The following CACNG7 variants were observed in gnomAD, a reference collection of about 807,000 sequenced individuals.
CACNG7 encodes the protein voltage-dependent calcium channel gamma-7 subunit.
Under a neutral mutation model 26.3 loss-of-function variants are expected in CACNG7, and 9 were observed. The observed-to-expected ratio is 0.34, with a 90% CI of 0.21 to 0.60. The LOEUF is 0.60. Among genes scored for constraint, CACNG7 ranks in the 20% least tolerant of loss-of-function variants. CACNG7 has a pLI of 0.81. For missense variants in CACNG7, 297 were observed against 380.4 expected (o/e 0.78, Z 1.82); for synonymous variants, 170 against 157.0 (o/e 1.08, Z -0.62).
chr19:53,937,292 G>A (rs1404121088), intron 4 of CACNG7, among the ~76,000 whole-genome samples: 2 of 152,134 alleles, frequency 1.3e-5, no homozygotes, highest in Admixed American at 6.6e-5. Flanking sequence ...CCTGGAAGTG[G>A]GATTGCTGGG....
chr19:53,941,784 G>A, intron 5 of CACNG7, 169 bp downstream of exon 5: 1 of 942,764 alleles, frequency 1.1e-6, no homozygotes, highest in Non-Finnish European at 1.5e-6. Flanking sequence ...GGGTCTGAGA[G>A]CTCCAACTTT....
At chr19:53,916,046 T>A (rs2068895289) in intron 4 of CACNG7, among the ~76,000 whole-genome samples, 2 of 152,076 alleles carry the variant, frequency 1.3e-5, no homozygotes, top group African/African-American at 4.8e-5. Flanking sequence ...CCACTTAGAG[T>A]CAACCATTGA....
chr19:53,936,027 TCTC>T (rs2069103244), intron 4 of CACNG7, among the ~76,000 whole-genome samples: 1 of 151,940 alleles, frequency 6.6e-6, no homozygotes, highest in Non-Finnish European at 1.5e-5. Context: ...GTCTCTTTAG[TCTC>T]CTTTCATTTT....
At chr19:53,923,145 G>GT (rs1379097075) in intron 4 of CACNG7, among the ~76,000 whole-genome samples, 5 of 111,770 alleles carry the variant, frequency 4.5e-5, no homozygotes, top group Admixed American at 8.1e-5. Flanking sequence ...TGGTGGAGTT[G>GT]CCCCAGGTCT....
At chr19:53,928,492 C>T (rs2069049240) in intron 4 of CACNG7, among the ~76,000 whole-genome samples, 1 of 151,900 alleles carries the variant, frequency 6.6e-6, no homozygotes. Flanking sequence ...CCAGGCTGGT[C>T]TCGAACTCCT....
Position 53,909,396 on chromosome 19 carries a change from G to T in CACNG7, c.-151G>T. The T allele has an allele frequency of 6.7e-6, 1 of 148,860 alleles. No homozygotes were observed. Among genetic ancestry groups the T allele is most frequent in the South Asian group, 1.8e-4 (1 of 5,584 alleles). The allele number at this position is 148,860 out of a possible 1,614,324, so 9.2% of individuals were successfully genotyped here. A position where few individuals can be genotyped will look rare whatever the true frequency, so the allele number is the denominator to read the frequency against. On this transcript the variant is annotated 5_prime_UTR_variant, in exon 1 of 6. Coordinates refer to ENST00000391767, the MANE Select transcript of CACNG7 (RefSeq NM_031896.5). This position sits in a 1 kb window ranked among gnomAD's most constrained non-coding sequence, Gnocchi z 5.1. ...GGGCCGGGACGCCGGGCTCCGGGGCGGGGGCGGGGGGCGCGGGCACCGGCG... is the reference window on the plus strand; with the variant it reads ...GGGCCGGGACGCCGGGCTCCGGGGCTGGGGCGGGGGGCGCGGGCACCGGCG...
rs760361293 is a variant in CACNG7, at chr19:53,914,481, C to A, written c.197-19C>A. On this transcript the variant is annotated intron_variant, in intron 2 of 5. Coordinates refer to ENST00000391767, the MANE Select transcript of CACNG7 (RefSeq NM_031896.5). ...TTAGGAGCCTCTCATCCAGCCCTGTCTGTTTCTCTTCCCCCCAGGTCGGGA... is the reference window on the plus strand; with the variant it reads ...TTAGGAGCCTCTCATCCAGCCCTGTATGTTTCTCTTCCCCCCAGGTCGGGA... The A allele has an allele frequency of 1.9e-6, 3 of 1,610,694 alleles. No individual in the cohort carries two copies. In the South Asian group the frequency reaches 3.3e-5, roughly 18 times the overall value.
intron 4 of CACNG7, among the ~76,000 whole-genome samples, chr19:53,924,975 C>T (rs1268051295): frequency 2.1e-5 from 3 of 142,602 alleles, no homozygotes; most frequent in Non-Finnish European, 1.5e-5. Context: ...TGGTGTTGTC[C>T]GAGGTCTGGT....
Position 53,915,594 on chromosome 19 carries a change from G to A in CACNG7, c.424+89G>A, listed in dbSNP as rs1455099263. On this transcript the variant is annotated intron_variant, in intron 4 of 5. Transcript: ENST00000391767. ...TTCCACTTAGCCACTTCCTTGCTGT[G>A]TGGCCTGGGAGGAGGTGCAGACCCT... 1.2e-5 allele frequency: 18 copies of A among 1,481,292 alleles called. No homozygotes were observed. In the African/African-American group the frequency reaches 2.5e-4, roughly 20 times the overall value. The allele number at this position is 1,481,292 out of a possible 1,614,324, so 91.8% of individuals were successfully genotyped here. A position where few individuals can be genotyped will look rare whatever the true frequency, so the allele number is the denominator to read the frequency against.
At chr19:53,911,425 G>T (rs935212181) in intron 1 of CACNG7, among the ~76,000 whole-genome samples, 2 of 152,038 alleles carry the variant, frequency 1.3e-5, no homozygotes, top group Non-Finnish European at 2.9e-5. Flanking sequence ...TATGTCTCTG[G>T]GTTCCAATGT....
chr19:53,940,883 C>T lies in CACNG7; in HGVS notation c.425-587C>T, dbSNP rs911023059. On this transcript the variant is annotated intron_variant, in intron 4 of 5. Transcript: ENST00000391767. The surrounding 1 kb of genome is among the most constrained non-coding windows in gnomAD (Gnocchi z 4.1). ...CAGCCTGGCCAACATGGTGAAACCCCGTCTCTACTAAAAATATAAAAAAAA... is the reference window on the plus strand; with the variant it reads ...CAGCCTGGCCAACATGGTGAAACCCTGTCTCTACTAAAAATATAAAAAAAA... 2.0e-5 allele frequency among the ~76,000 whole-genome samples: 3 copies of T among 151,534 alleles called. No individual in the cohort carries two copies. The highest frequency in any genetic ancestry group is 1.9e-4 in the East Asian group (1 of 5,152).
At position 53,935,634 on chromosome 19, in the gene CACNG7, CTTTTTTTTT is replaced by C. The variant is rs59884893; in HGVS notation, c.425-5821_425-5813del. On this transcript the variant is annotated intron_variant, in intron 4 of 5. Transcript: ENST00000391767. Reference sequence around the variant, plus strand: ...CACCGCCCCCACCCTCCAATACTGTCTTTTTTTTTTTTTTTTTTTTTTTGAGTTGGAGTT... The same window carrying C: ...CACCGCCCCCACCCTCCAATACTGTCTTTTTTTTTTTTTTGAGTTGGAGTT... Among the ~76,000 whole-genome samples the C allele has an allele frequency of 4.5e-4, 19 of 42,260 alleles. 1 individual carries two copies. Among genetic ancestry groups the C allele is most frequent in the Admixed American group, 2.3e-3 (5 of 2,164 alleles). The allele number at this position is 42,260 out of a possible 152,430, so 27.7% of individuals were successfully genotyped here.
chr19:53,926,725 C>T (rs1004928210), intron 4 of CACNG7, among the ~76,000 whole-genome samples: 4 of 151,884 alleles, frequency 2.6e-5, no homozygotes, highest in Admixed American at 6.6e-5. Flanking sequence ...CCAGCCTGGC[C>T]AACATGGTGA....
rs2068890608 is a variant in CACNG7 at position 53,915,452 on chromosome 19, G to T, written c.371G>T (p.Arg124Leu). The T allele has an allele frequency of 6.2e-7, 1 of 1,613,952 alleles. No homozygotes were observed. The highest frequency in any genetic ancestry group is 8.5e-7 in the Non-Finnish European group (1 of 1,180,014). ...AFVISNIGHI[R>L]PQRTILAFVS... ...GTCATCAGCAACATCGGCCACATCC[G>T]CCCGCAGAGGACCATTCTGGCTTTT... is the stretch of plus-strand genomic sequence containing the variant. Residue 124 changes from arginine (R) to leucine (L), a missense_variant, in exon 4 of 6, where the codon CGC (arginine) becomes CTC (leucine). By Grantham distance (102) the Arg-to-Leu change is moderately radical. Transcript: ENST00000391767.
intron 4 of CACNG7, among the ~76,000 whole-genome samples, chr19:53,918,588 T>G (rs2068913361): frequency 6.6e-6 from 1 of 152,124 alleles, no homozygotes; most frequent in Admixed American, 6.6e-5. Context: ...ATCATGAATG[T>G]AAAGCATCCG....
intron 2 of CACNG7, among the ~76,000 whole-genome samples, chr19:53,913,490 T>C (rs1019336124): frequency 1.3e-5 from 2 of 151,714 alleles, no homozygotes; most frequent in Non-Finnish European, 2.9e-5. Context: ...TATGTGGTGG[T>C]GCACCCCTGT....
At chr19:53,919,888 G>A (rs2068927091) in intron 4 of CACNG7, among the ~76,000 whole-genome samples, 1 of 134,728 alleles carries the variant, frequency 7.4e-6, no homozygotes, top group South Asian at 2.5e-4. Flanking sequence ...GCTGGTCATT[G>A]GTGGACTTGC....
rs186680367 is a variant in CACNG7, at chr19:53,935,962, A to C, written c.425-5508A>C. Reference sequence around the variant, plus strand: ...GGCCTAATGCTATCTTTTTACTGTTACTTTTTCCTGATTCAGAATCCAATC... The same window carrying C: ...GGCCTAATGCTATCTTTTTACTGTTCCTTTTTCCTGATTCAGAATCCAATC... On this transcript the variant is annotated intron_variant, in intron 4 of 5. Transcript: ENST00000391767. Among the ~76,000 whole-genome samples the C allele has an allele frequency of 3.3e-5, 5 of 150,808 alleles. No homozygotes were observed. In the East Asian group the frequency reaches 7.8e-4, roughly 24 times the overall value.
At chr19:53,936,096 T>G (rs2069103705) in intron 4 of CACNG7, among the ~76,000 whole-genome samples, 1 of 151,986 alleles carries the variant, frequency 6.6e-6, no homozygotes. Flanking sequence ...TTTATGGAGC[T>G]CTGCTGCCTT....
Sources: gnomAD v4.1 joint callset for allele counts (sites outside exome capture counted in the v4.1 genomes callset) on GRCh38, gnomAD v4.1.1 for gene constraint, Gnocchi (gnomAD v3.1) non-coding constraint, MANE v1.5 for transcripts, NCBI Gene and HGNC (gene_info 2026-07-23, HGNC 2026-07-21) for gene names.